Variants in FBXL16 observed in about 807,000 individuals in gnomAD.
The protein encoded by FBXL16 is F-box and leucine rich repeat protein 16.
Under a neutral mutation model 36.7 loss-of-function variants are expected in FBXL16, and 7 were observed. The observed-to-expected ratio is 0.19, with a 90% CI of 0.11 to 0.36. FBXL16 has a LOEUF of 0.36. Among genes scored for constraint, FBXL16 ranks in the 10% least tolerant of loss-of-function variants. FBXL16 has a pLI of 1.00. For synonymous variants in FBXL16, 355 were observed against 308.7 expected (o/e 1.15, Z -1.57); for missense variants, 463 against 659.4 (o/e 0.70, Z 3.26).
intron 2 of FBXL16, 118 bp downstream of exon 2, chr16:696,655 C>A: frequency 1.4e-6 from 1 of 733,742 alleles, no homozygotes; most frequent in Non-Finnish European, 1.8e-6. Flanking sequence ...GCGCGAGGTC[C>A]CCTGTAGTCA....
intron 1 of FBXL16, among the ~76,000 whole-genome samples, chr16:702,718 G>A (rs1179992775): frequency 1.3e-5 from 2 of 152,294 alleles, no homozygotes; most frequent in East Asian, 1.9e-4. Context: ...AGTGGCCTCT[G>A]GGGTTGGGAC....
chr16:704,942 G>A (rs2040080905), intron 1 of FBXL16, among the ~76,000 whole-genome samples: 1 of 152,210 alleles, frequency 6.6e-6, no homozygotes, highest in African/African-American at 2.4e-5. Flanking sequence ...AGGTCTGAAG[G>A]TGCCGTTTCC....
intron 1 of FBXL16, among the ~76,000 whole-genome samples, chr16:702,556 C>T (rs967857723): frequency 9.2e-5 from 14 of 152,298 alleles, no homozygotes; most frequent in East Asian, 7.7e-4. Context: ...AATGTGGCTC[C>T]GCTAGCTCAG....
intron 1 of FBXL16, among the ~76,000 whole-genome samples, chr16:701,442 C>T (rs1239475670): frequency 1.3e-5 from 2 of 152,214 alleles, no homozygotes; most frequent in African/African-American, 4.8e-5. Context: ...CCCGAATATC[C>T]CCCACCCCGT....
intron 1 of FBXL16, among the ~76,000 whole-genome samples, chr16:700,064 G>A (rs1016422909): frequency 3.3e-5 from 5 of 152,090 alleles, no homozygotes; most frequent in Non-Finnish European, 7.4e-5. Context: ...CAGGGAGGCA[G>A]TGGGAGGTCC....
At chr16:696,086 A>AG (rs2040009106) in intron 2 of FBXL16, 163 bp from the exon 3 acceptor site, 1 of 1,092,276 alleles carries the variant, frequency 9.2e-7, no homozygotes, top group Admixed American at 3.1e-5. Context: ...TGGCCAGGGC[A>AG]GGTGCTGGGG....
At position 696,756 on chromosome 16, in the gene FBXL16, C is replaced by A. The variant is rs2040014894; in HGVS notation, c.633+17G>T. The A allele has an allele frequency of 5.7e-6, 8 of 1,412,696 alleles. No homozygotes were observed. Among genetic ancestry groups the A allele is most frequent in the Admixed American group, 2.5e-5 (1 of 40,138 alleles). The allele number at this position is 1,412,696 out of a possible 1,614,324, so 87.5% of individuals were successfully genotyped here. The stretch of plus-strand genomic sequence containing the variant: ...CCCCTGCCCCCCAGCCCTGTCCCCC[C>A]CGAGCCTGGTGCACACCTCGAGGCC... On this transcript the variant is annotated intron_variant, in intron 2 of 5. Coordinates refer to ENST00000397621, the MANE Select transcript of FBXL16 (RefSeq NM_153350.4).
rs553614244 is a variant in FBXL16, at chr16:700,884, C to T, written c.-14-3465G>A. On this transcript the variant is annotated intron_variant, in intron 1 of 5. Transcript: ENST00000397621. ...TGCGGGGTCGGGGCAGCCCCGCAAT[C>T]CCAAATCCCGGCAGCCCCCGCTCAG... Among the ~76,000 whole-genome samples, 744 of 152,276 alleles carry T rather than the reference C, an allele frequency of 4.9e-3. 7 individuals carry two copies. Among genetic ancestry groups the T allele is most frequent in the African/African-American group, 0.017 (709 of 41,568 alleles).
chr16:697,458 T>C lies in FBXL16; in HGVS notation c.-14-39A>G. The stretch of plus-strand genomic sequence containing the variant: ...CCGGGAGGGGGAGTGAGTCTGTTGC[T>C]GAGTCTGGAAGGCCGGGGTTGGGGG... On this transcript the variant is annotated intron_variant, in intron 1 of 5. Coordinates refer to ENST00000397621, the MANE Select transcript of FBXL16 (RefSeq NM_153350.4). This position sits in a 1 kb window ranked among gnomAD's most constrained non-coding sequence, Gnocchi z 4.6. 2 of 1,487,418 alleles carry C rather than the reference T, an allele frequency of 1.3e-6. No homozygotes were observed. The highest frequency in any genetic ancestry group is 2.1e-5 in the Admixed American group (1 of 46,700). The allele number at this position is 1,487,418 out of a possible 1,614,324, so 92.1% of individuals were successfully genotyped here. A position where few individuals can be genotyped will look rare whatever the true frequency, so the allele number is the denominator to read the frequency against.
intron 1 of FBXL16, among the ~76,000 whole-genome samples, chr16:699,092 A>C (rs887814889): frequency 3.3e-5 from 5 of 152,194 alleles, no homozygotes; most frequent in Non-Finnish European, 7.3e-5. Context: ...CGATGCTGTG[A>C]TAGCTGTACC....
At chr16:705,274 T>C (rs1015303139) in intron 1 of FBXL16, among the ~76,000 whole-genome samples, 5 of 151,702 alleles carry the variant, frequency 3.3e-5, no homozygotes, top group Admixed American at 6.6e-5. Flanking sequence ...GAGTGGCCAG[T>C]GGGGAGCGGC....
In FBXL16 at chr16:697,804, T is replaced by C. The variant is rs2040026180; in HGVS notation, c.-14-385A>G. 6.6e-6 allele frequency among the ~76,000 whole-genome samples: 1 copy of C among 151,958 alleles called. No homozygotes were observed. Among genetic ancestry groups the C allele is most frequent in the Non-Finnish European group, 1.5e-5 (1 of 67,976 alleles). On this transcript the variant is annotated intron_variant, in intron 1 of 5. Transcript: ENST00000397621. This position sits in a 1 kb window ranked among gnomAD's most constrained non-coding sequence, Gnocchi z 4.6. ...TCATGAGGTCAGGAGATCGAGACCATCCTGGCTAACACAGTGAAACACCAT... is the reference window on the plus strand; with the variant it reads ...TCATGAGGTCAGGAGATCGAGACCACCCTGGCTAACACAGTGAAACACCAT...
chr16:695,230 G>A (rs564518234), intron 3 of FBXL16, 154 bp from the exon 4 acceptor site: 4 of 1,157,384 alleles, frequency 3.5e-6, no homozygotes, highest in East Asian at 3.0e-5. Flanking sequence ...AAGGACGGGG[G>A]TCCAGCCAAC....
In FBXL16 at chr16:693,934, C is replaced by T; in HGVS notation, c.*341G>A. 6.1e-6 allele frequency: 1 copy of T among 163,518 alleles called. No homozygotes were observed. The highest frequency in any genetic ancestry group is 1.3e-5 in the Non-Finnish European group (1 of 76,938). The allele number at this position is 163,518 out of a possible 1,614,324, so 10.1% of individuals were successfully genotyped here. On this transcript the variant is annotated 3_prime_UTR_variant, in exon 6 of 6. Coordinates refer to ENST00000397621, the MANE Select transcript of FBXL16 (RefSeq NM_153350.4). ...AAGCCCCCCCAAGGACCGAGCCCCGCCCCCCAAGCGGGAGGGCGAGCGAGT... is the reference window on the plus strand; with the variant it reads ...AAGCCCCCCCAAGGACCGAGCCCCGTCCCCCAAGCGGGAGGGCGAGCGAGT...
chr16:694,841 G>A, intron 4 of FBXL16, 144 bp from the exon 5 acceptor site: 1 of 1,243,846 alleles, frequency 8.0e-7, no homozygotes, highest in African/African-American at 1.5e-5. Context: ...AAGTGCTCGT[G>A]GGGGCCGCCG....
At chr16:696,216 A>G (rs1171982238) in intron 2 of FBXL16, among the ~76,000 whole-genome samples, 2 of 144,690 alleles carry the variant, frequency 1.4e-5, no homozygotes, top group African/African-American at 5.3e-5. Context: ...TCCTCCCCAC[A>G]CTGCATTTGT....
chr16:698,769 C>T (rs537130401), intron 1 of FBXL16, among the ~76,000 whole-genome samples: 87 of 151,944 alleles, frequency 5.7e-4, no homozygotes, highest in African/African-American at 2.1e-3. Context: ...CAAAAATTAG[C>T]CGGGCTTGGT....
chr16:697,471 C>G lies in FBXL16; in HGVS notation c.-14-52G>C. 1 of 1,477,596 alleles carries G rather than the reference C, an allele frequency of 6.8e-7. No homozygotes were observed. The highest frequency in any genetic ancestry group is 1.3e-5 in the South Asian group (1 of 75,450). 91.5% of individuals were successfully genotyped at this position (1,477,596 alleles called of 1,614,324 possible). ...TGAGTCTGTTGCTGAGTCTGGAAGG[C>G]CGGGGTTGGGGGCGGGTGCAGTGGG... On this transcript the variant is annotated intron_variant, in intron 1 of 5. Transcript: ENST00000397621. The surrounding 1 kb of genome is among the most constrained non-coding windows in gnomAD (Gnocchi z 4.6).
chr16:694,201 A>C lies in FBXL16; in HGVS notation c.*74T>G. 9.3e-7 allele frequency: 1 copy of C among 1,080,476 alleles called. No homozygotes were observed. 66.9% of individuals were successfully genotyped at this position (1,080,476 alleles called of 1,614,324 possible). On this transcript the variant is annotated 3_prime_UTR_variant, in exon 6 of 6. Transcript: ENST00000397621. ...GCTCCCCCGAGCGCAAGGCGGGAAG[A>C]GGGGGCTCGGCGGCGCCCCGCGCCC...
Sources: allele counts gnomAD v4.1 joint callset (sites outside exome capture counted in the v4.1 genomes callset), GRCh38; gene constraint gnomAD v4.1.1; non-coding constraint Gnocchi (gnomAD v3.1); transcripts MANE v1.5; gene names NCBI Gene and HGNC (gene_info 2026-07-23, HGNC 2026-07-21).